The following IQGAP2 variants were observed in gnomAD, a reference collection of about 807,000 sequenced individuals.
IQGAP2 encodes IQ motif containing GTPase activating protein 2.
In IQGAP2, 173 loss-of-function variants were observed where a neutral mutation model predicts 201.3. That is an observed-to-expected ratio of 0.86 (90% confidence interval 0.76 to 0.98). The LOEUF is 0.98. Among genes scored for constraint, IQGAP2 ranks in the 50% least tolerant of loss-of-function variants. The pLI is 0.00. For synonymous variants in IQGAP2, 675 were observed against 673.9 expected, an observed-to-expected ratio of 1.00 and a Z score of -0.03; for missense variants, 1,687 against 1,864.8, an observed-to-expected ratio of 0.90 and a Z score of 1.76.
Position 76,611,149 on chromosome 5 carries a change from A to T in IQGAP2, c.1487A>T (p.Asp496Val), listed in dbSNP as rs1418572941. Reference sequence around the variant, plus strand: ...CCAGCCCATGCCCAGCACTACCAGGATGTTTTATACCATGCTAAATCACAG... The same window carrying T: ...CCAGCCCATGCCCAGCACTACCAGGTTGTTTTATACCATGCTAAATCACAG... ...VDPAHAQHYQ[D>V]VLYHAKSQKL... The change falls in exon 13 of 36, where the codon GAT becomes GTT. Residue 496 changes from aspartate (D) to valine (V), a missense_variant. Asp to Val is a radical substitution (Grantham distance 152). Coordinates refer to ENST00000274364, the MANE Select transcript of IQGAP2 (RefSeq NM_006633.5). 3 of 1,613,768 alleles carry T rather than the reference A, an allele frequency of 1.9e-6. No individual in the cohort carries two copies. The South Asian group carries it at 3.3e-5, about 18-fold the overall frequency.
intron 29 of IQGAP2, 106 bp from the exon 30 acceptor site, chr5:76,683,670 T>G (rs1445605284): frequency 9.3e-7 from 1 of 1,072,910 alleles, no homozygotes; most frequent in African/African-American, 1.6e-5. Flanking sequence ...TGATCTCCCA[T>G]TTAATTACCA....
chr5:76,681,806 T>C (rs1745327568), intron 28 of IQGAP2, among the ~76,000 whole-genome samples: 1 of 152,214 alleles, frequency 6.6e-6, no homozygotes, highest in African/African-American at 2.4e-5. Flanking sequence ...CTCATGTTCA[T>C]AGCAGCATTG....
chr5:76,607,212 C>T (rs1187451814), intron 12 of IQGAP2: 1 of 152,206 alleles, frequency 6.6e-6, no homozygotes, highest in Non-Finnish European at 1.5e-5. Context: ...CTGTATTTAA[C>T]TTAGGAATAC....
chr5:76,419,717 C>T (rs1751624767), intron 1 of IQGAP2, among the ~76,000 whole-genome samples: 1 of 150,904 alleles, frequency 6.6e-6, no homozygotes, highest in Non-Finnish European at 1.5e-5. Flanking sequence ...CTCTCAAAAC[C>T]TCAAAGAAGG....
intron 1 of IQGAP2, among the ~76,000 whole-genome samples, chr5:76,458,821 C>T (rs1037031929): frequency 8.5e-5 from 13 of 152,082 alleles, no homozygotes; most frequent in Non-Finnish European, 1.8e-4. Flanking sequence ...ATAAAATTAC[C>T]TCACAGAGAT....
chr5:76,584,811 G>A (rs981218251), intron 5 of IQGAP2, among the ~76,000 whole-genome samples: 1 of 152,170 alleles, frequency 6.6e-6, no homozygotes, highest in African/African-American at 2.4e-5. Flanking sequence ...ACTAAGATGA[G>A]TCCCAGATCA....
intron 2 of IQGAP2, among the ~76,000 whole-genome samples, chr5:76,551,084 C>T (rs1176200887): frequency 1.4e-4 from 21 of 150,788 alleles, no homozygotes; most frequent in Non-Finnish European, 2.8e-4. Flanking sequence ...TCCTCACTTC[C>T]CAGACGGGGC....
rs575195707 is a variant in IQGAP2, at chr5:76,604,022, A to G, written c.1233-2157A>G. On this transcript the variant is annotated intron_variant, in intron 11 of 35. Transcript: ENST00000274364. ...ACTTTAAGTTCTGGGATACATGTGCAGAACATGCAGGTTTGTTACATAGGT... is the reference window on the plus strand; with the variant it reads ...ACTTTAAGTTCTGGGATACATGTGCGGAACATGCAGGTTTGTTACATAGGT... 5.9e-5 allele frequency among the ~76,000 whole-genome samples: 9 copies of G among 152,288 alleles called. No individual in the cohort carries two copies. The South Asian group carries it at 1.9e-3, about 32-fold the overall frequency.
intron 5 of IQGAP2, among the ~76,000 whole-genome samples, chr5:76,585,646 T>C (rs577434403): frequency 2.0e-5 from 3 of 151,956 alleles, no homozygotes; most frequent in African/African-American, 7.2e-5. Context: ...TCCCGAGTAG[T>C]TGGGGTTACA....
At chr5:76,599,922 G>A (rs149305484) in intron 10 of IQGAP2, among the ~76,000 whole-genome samples, 2 of 152,284 alleles carry the variant, frequency 1.3e-5, no homozygotes, top group East Asian at 3.9e-4. Flanking sequence ...TATTAAAGGG[G>A]AAGGGTGTTC....
intron 11 of IQGAP2, among the ~76,000 whole-genome samples, chr5:76,602,293 C>T (rs182070788): frequency 3.1e-4 from 47 of 152,270 alleles, no homozygotes; most frequent in African/African-American, 1.1e-3. Flanking sequence ...AAGACAGACC[C>T]GGTCAATCCC....
At chr5:76,582,418 C>T (rs1253019262) in intron 5 of IQGAP2, among the ~76,000 whole-genome samples, 5 of 152,140 alleles carry the variant, frequency 3.3e-5, no homozygotes, top group Non-Finnish European at 5.9e-5. Flanking sequence ...GCTTGGGTTA[C>T]GTGACTTGCT....
chr5:76,602,041 G>A (rs770537281), intron 11 of IQGAP2, among the ~76,000 whole-genome samples: 2 of 152,146 alleles, frequency 1.3e-5, no homozygotes, highest in Non-Finnish European at 2.9e-5. Flanking sequence ...AGCCCAATTT[G>A]AGTTTCCCTC....
chr5:76,619,051 A>T (rs1179846723), intron 13 of IQGAP2, among the ~76,000 whole-genome samples: 1 of 152,216 alleles, frequency 6.6e-6, no homozygotes, highest in Non-Finnish European at 1.5e-5. Context: ...ATGGAATTTA[A>T]TGAGTAAGAT....
chr5:76,523,535 G>A (rs917198997), intron 2 of IQGAP2, among the ~76,000 whole-genome samples: 1 of 152,162 alleles, frequency 6.6e-6, no homozygotes, highest in African/African-American at 2.4e-5. Flanking sequence ...ATGTCAAATA[G>A]GCAAGGCACA....
intron 1 of IQGAP2, among the ~76,000 whole-genome samples, chr5:76,405,233 A>AT (rs1750729920): frequency 6.6e-6 from 1 of 152,150 alleles, no homozygotes; most frequent in African/African-American, 2.4e-5. Context: ...ATGCTGCTTG[A>AT]TTTTCACGGA....
At chr5:76,670,281 A>G (rs3776771) in intron 23 of IQGAP2, among the ~76,000 whole-genome samples, 49,091 of 152,004 alleles carry the variant, frequency 0.32, 8,458 homozygotes, top group South Asian at 0.46. Flanking sequence ...GGAGGCCAAG[A>G]CAGGCGGATC....
rs548847151 is a variant in IQGAP2, at chr5:76,448,058, CAG to C, written c.47-13510_47-13509del. On this transcript the variant is annotated intron_variant, in intron 1 of 35. Coordinates refer to ENST00000274364, the MANE Select transcript of IQGAP2 (RefSeq NM_006633.5). ...GGATGTGTGGAGGTCCAGAGAGACTCAGAAAGGCTGGTTTGCATCTCCTAAGG... is the reference window on the plus strand; with the variant it reads ...GGATGTGTGGAGGTCCAGAGAGACTCAAAGGCTGGTTTGCATCTCCTAAGG... Among the ~76,000 whole-genome samples the C allele has an allele frequency of 9.5e-4, 144 of 152,268 alleles. 1 individual carries two copies. Among genetic ancestry groups the C allele is most frequent in the African/African-American group, 3.3e-3 (139 of 41,552 alleles).
chr5:76,517,232 A>G (rs1054688004), intron 2 of IQGAP2, among the ~76,000 whole-genome samples: 2 of 152,178 alleles, frequency 1.3e-5, no homozygotes, highest in Non-Finnish European at 2.9e-5. Context: ...TACTTTATAT[A>G]TCATCAGATA....
Sources: gnomAD v4.1 joint callset for allele counts (sites outside exome capture counted in the v4.1 genomes callset) on GRCh38, gnomAD v4.1.1 for gene constraint, MANE v1.5 for transcripts, NCBI Gene and HGNC (gene_info 2026-07-23, HGNC 2026-07-21) for gene names.